The following PIWIL2 variants were observed in gnomAD, a reference collection of about 807,000 sequenced individuals.
PIWIL2 encodes piwi like RNA-mediated gene silencing 2.
Under a neutral mutation model 116.5 loss-of-function variants are expected in PIWIL2, and 81 were observed. The ratio of observed to expected loss-of-function variants is 0.70; its 90% confidence interval spans 0.58 to 0.84. The LOEUF (loss-of-function observed/expected upper bound fraction) is 0.84, where lower values mean the gene tolerates loss of function less well. Among genes scored for constraint, PIWIL2 ranks in the 40% least tolerant of loss-of-function variants. The pLI is 0.00. For missense variants in PIWIL2, 1,272 were observed against 1,212.3 expected, an observed-to-expected ratio of 1.05 and a Z score of -0.73; for synonymous variants, 489 against 429.5, an observed-to-expected ratio of 1.14 and a Z score of -1.71.
chr8:22,281,589 A>G, intron 4 of PIWIL2, 74 bp downstream of exon 4: 4 of 1,233,178 alleles, frequency 3.2e-6, no homozygotes, highest in Non-Finnish European at 4.5e-6. Flanking sequence ...GAGCAACTCT[A>G]AGAAGAGTTG....
chr8:22,342,397 T>A (rs1832131065), intron 20 of PIWIL2, among the ~76,000 whole-genome samples: 1 of 152,124 alleles, frequency 6.6e-6, no homozygotes, highest in Non-Finnish European at 1.5e-5. Flanking sequence ...ACTACGGTAA[T>A]CAAGATTGTG....
chr8:22,333,553 G>C lies in PIWIL2; in HGVS notation c.2403+15278G>C, dbSNP rs181602441. On this transcript the variant is annotated intron_variant, in intron 20 of 22. Transcript: ENST00000356766. ...CTTGAACCCGGGAGGCAGAGGTTGC[G>C]GTGAGCCAATATCACGCCATTCAAC... Among the ~76,000 whole-genome samples, 4 of 151,898 alleles carry C rather than the reference G, an allele frequency of 2.6e-5. No individual in the cohort carries two copies. The South Asian group carries it at 8.3e-4, about 32-fold the overall frequency.
chr8:22,278,605 C>G (rs1208869765), intron 1 of PIWIL2, among the ~76,000 whole-genome samples: 2 of 152,218 alleles, frequency 1.3e-5, no homozygotes. Context: ...TAAGTAAGTT[C>G]AAGGAGGACA....
At chr8:22,317,574 T>C (rs1028850702) in intron 19 of PIWIL2, among the ~76,000 whole-genome samples, 1 of 152,220 alleles carries the variant, frequency 6.6e-6, no homozygotes, top group Non-Finnish European at 1.5e-5. Context: ...TCTTGGTGGA[T>C]ATCTTAAGTT....
chr8:22,338,912 A>T (rs1165316987), intron 20 of PIWIL2, among the ~76,000 whole-genome samples: 1 of 152,194 alleles, frequency 6.6e-6, no homozygotes, highest in Non-Finnish European at 1.5e-5. Context: ...TAAAAAATAC[A>T]CTCACAGTTT....
chr8:22,332,058 A>T (rs1049598138), intron 20 of PIWIL2, among the ~76,000 whole-genome samples: 1 of 152,124 alleles, frequency 6.6e-6, no homozygotes, highest in Non-Finnish European at 1.5e-5. Context: ...CTGTAATCGC[A>T]GCATTTTGGG....
At chr8:22,339,717 C>T (rs1244967353) in intron 20 of PIWIL2, among the ~76,000 whole-genome samples, 2 of 152,178 alleles carry the variant, frequency 1.3e-5, no homozygotes, top group African/African-American at 4.8e-5. Flanking sequence ...AGAAGTCATT[C>T]ATCCGATACA....
rs115425421 is a variant in PIWIL2, at chr8:22,341,832, A to G, written c.2404-11127A>G. On this transcript the variant is annotated intron_variant, in intron 20 of 22. Transcript: ENST00000356766. The stretch of plus-strand genomic sequence containing the variant: ...ATTAAAGCCTTGAAGATTGGGAAGG[A>G]GAAAACAAAACTATCTTTGTTTGCA... Among the ~76,000 whole-genome samples the G allele has an allele frequency of 6.5e-3, 997 of 152,296 alleles. 15 individuals are homozygous for G. The highest frequency in any genetic ancestry group is 0.023 in the African/African-American group (945 of 41,566).
intron 20 of PIWIL2, among the ~76,000 whole-genome samples, chr8:22,321,467 T>C (rs940700673): frequency 6.6e-6 from 1 of 152,192 alleles, no homozygotes; most frequent in East Asian, 1.9e-4. Flanking sequence ...ATGCCAGCTT[T>C]TGCCATTTCC....
intron 8 of PIWIL2, among the ~76,000 whole-genome samples, chr8:22,289,197 G>A (rs1015968367): frequency 2.9e-4 from 43 of 147,550 alleles, no homozygotes; most frequent in African/African-American, 1.1e-3. Flanking sequence ...TCTGTCGCCA[G>A]GCTGTAGTGC....
chr8:22,326,046 A>T (rs1437595468), intron 20 of PIWIL2, among the ~76,000 whole-genome samples: 1 of 152,160 alleles, frequency 6.6e-6, no homozygotes, highest in Non-Finnish European at 1.5e-5. Flanking sequence ...GAATAGATTC[A>T]GCCTATCTCT....
intron 20 of PIWIL2, among the ~76,000 whole-genome samples, chr8:22,325,963 T>C (rs539300989): frequency 2.6e-5 from 4 of 152,292 alleles, no homozygotes; most frequent in South Asian, 2.1e-4. Context: ...ATCTGCTCCA[T>C]AGCCATCCGC....
intron 20 of PIWIL2, among the ~76,000 whole-genome samples, chr8:22,335,042 G>T (rs1342091562): frequency 7.1e-6 from 1 of 140,398 alleles, no homozygotes; most frequent in Non-Finnish European, 1.5e-5. Context: ...GTGACAGAGT[G>T]AGACTCTTGT....
chr8:22,296,262 G>A (rs572009814), intron 10 of PIWIL2, among the ~76,000 whole-genome samples: 13 of 152,052 alleles, frequency 8.5e-5, no homozygotes, highest in South Asian at 2.1e-4. Context: ...GATGAGGACG[G>A]TCTCGATCTC....
chr8:22,279,703 A>G (rs1440306112), intron 2 of PIWIL2, 119 bp downstream of exon 2: 2 of 932,652 alleles, frequency 2.1e-6, no homozygotes, highest in African/African-American at 1.6e-5. Flanking sequence ...CTGTAATCCC[A>G]GCACTTTGGG....
At chr8:22,346,325 C>T (rs2132104205) in intron 20 of PIWIL2, among the ~76,000 whole-genome samples, 1 of 152,360 alleles carries the variant, frequency 6.6e-6, no homozygotes, top group East Asian at 1.9e-4. Context: ...CTCCACCTCA[C>T]AGCTTTTTAG....
intron 10 of PIWIL2, among the ~76,000 whole-genome samples, chr8:22,300,601 GT>G (rs879481300): frequency 1.8e-4 from 27 of 152,324 alleles, no homozygotes; most frequent in African/African-American, 6.3e-4. Flanking sequence ...TGTCTGTACT[GT>G]TTTACATTCC....
Position 22,314,369 on chromosome 8 carries a change from T to C in PIWIL2, c.2031T>C (p.Arg677=), listed in dbSNP as rs1156346715. The change falls in exon 17 of 23, where the codon CGT becomes CGC. Residue 677 remains arginine, a synonymous_variant. Coordinates refer to ENST00000356766, the MANE Select transcript of PIWIL2 (RefSeq NM_018068.5). Reference sequence around the variant, plus strand: ...TTGTTTGCATCATCATGGGCCCACGTGATGATCTCTATGGGGCCATCAAGA... The same window carrying C: ...TTGTTTGCATCATCATGGGCCCACGCGATGATCTCTATGGGGCCATCAAGA... ...QMVVCIIMGP[R]DDLYGAIKKL... is the part of the protein sequence containing the mutation. 1 of 1,583,560 alleles carries C rather than the reference T, an allele frequency of 6.3e-7. No homozygotes were observed. The highest frequency in any genetic ancestry group is 8.6e-7 in the Non-Finnish European group (1 of 1,162,834).
At chr8:22,301,658 T>C (rs151177500) in intron 10 of PIWIL2, among the ~76,000 whole-genome samples, 1 of 152,282 alleles carries the variant, frequency 6.6e-6, no homozygotes, top group African/African-American at 2.4e-5. Flanking sequence ...ACTTTTTCTT[T>C]CATAGGTTTT....
Sources: allele counts gnomAD v4.1 joint callset (sites outside exome capture counted in the v4.1 genomes callset), GRCh38; gene constraint gnomAD v4.1.1; transcripts MANE v1.5; gene names NCBI Gene and HGNC (gene_info 2026-07-23, HGNC 2026-07-21).